TECTA: variants seen among roughly 807,000 people sequenced by gnomAD.
TECTA encodes the protein tectorin alpha.
Under a neutral mutation model 216.8 loss-of-function variants are expected in TECTA, and 128 were observed. The ratio of observed to expected loss-of-function variants is 0.59; its 90% CI spans 0.51 to 0.68. The LOEUF is 0.68. Ranked by LOEUF, TECTA falls within the 30% of genes least tolerant of loss-of-function variation. TECTA has a pLI of 0.00. For missense variants in TECTA, 2,551 were observed against 2,786.2 expected (o/e 0.92, Z 1.90); for synonymous variants, 1,089 against 1,117.1 (o/e 0.97, Z 0.50).
At chr11:121,146,287 A>T in intron 12 of TECTA, 171 bp downstream of exon 12, 1 of 758,300 alleles carries the variant, frequency 1.3e-6, no homozygotes, top group South Asian at 1.6e-5. Context: ...AACCTCTTGG[A>T]GCCTCCATGT....
intron 9 of TECTA, among the ~76,000 whole-genome samples, chr11:121,129,417 A>G (rs968452222): frequency 6.6e-6 from 1 of 152,252 alleles, no homozygotes; most frequent in African/African-American, 2.4e-5. Context: ...TGGGTCCAGA[A>G]CACACAAATA....
rs763394704 is a variant in TECTA at position 121,120,795 on chromosome 11, G to A, written c.1203+2077G>A. Among the ~76,000 whole-genome samples, 8 of 152,340 alleles carry A rather than the reference G, an allele frequency of 5.3e-5. No homozygotes were observed. The South Asian group carries it at 6.2e-4, about 12-fold the overall frequency. On this transcript the variant is annotated intron_variant, in intron 7 of 23. Transcript: ENST00000392793. ...ACCAGTTCTCATCTTTCTTCCCCGC[G>A]TGAACACGAGTAGTTTAGGGTGCTC...
At chr11:121,165,457 C>T in intron 17 of TECTA, 74 bp downstream of exon 17, 1 of 1,249,160 alleles carries the variant, frequency 8.0e-7, no homozygotes, top group Non-Finnish European at 1.1e-6. Context: ...GACCTTGATG[C>T]ATCCCACTTT....
chr11:121,173,872 GT>G (rs1223304848), intron 20 of TECTA, among the ~76,000 whole-genome samples: 3 of 152,200 alleles, frequency 2.0e-5, no homozygotes, highest in Non-Finnish European at 4.4e-5. Context: ...TCATCGAGCA[GT>G]GGTTTGTAGT....
At position 121,137,607 on chromosome 11, in the gene TECTA, A is replaced by C. The variant is rs1555125132; in HGVS notation, c.3128A>C (p.His1043Pro). ...RSECGCNFEG[H>P]QLATNETFWV... is the part of the protein sequence containing the mutation. Reference sequence around the variant, plus strand: ...GAGTGTGGCTGCAACTTTGAGGGGCACCAACTTGCCACCAATGAGACCTTC... The same window carrying C: ...GAGTGTGGCTGCAACTTTGAGGGGCCCCAACTTGCCACCAATGAGACCTTC... The change falls in exon 11 of 24, where the codon CAC (histidine) becomes CCC (proline). Residue 1043 changes from histidine to proline, a missense_variant. Physicochemically the swap from His to Pro is moderately conservative, Grantham distance 77. Around this residue, in one of 3 missense-constraint regions of TECTA, gnomAD observed 2,375 missense variants for 2,563.9 expected, o/e 0.93. Coordinates refer to ENST00000392793, the MANE Select transcript of TECTA (RefSeq NM_005422.4). 1.2e-6 allele frequency: 2 copies of C among 1,613,980 alleles called. No homozygotes were observed. The highest frequency in any genetic ancestry group is 1.7e-6 in the Non-Finnish European group (2 of 1,179,996).
intron 7 of TECTA, among the ~76,000 whole-genome samples, chr11:121,121,924 G>A (rs1428463672): frequency 6.6e-6 from 1 of 152,102 alleles, no homozygotes; most frequent in Non-Finnish European, 1.5e-5. Context: ...CTTACTAGCT[G>A]ACCTTCCCTA....
At chr11:121,179,158 G>A (rs1591469203) in intron 20 of TECTA, among the ~76,000 whole-genome samples, 1 of 151,858 alleles carries the variant, frequency 6.6e-6, no homozygotes, top group African/African-American at 2.4e-5. Context: ...TTTGATGTAG[G>A]TGTATATTGC....
chr11:121,190,995 C>T lies in TECTA; in HGVS notation c.*189C>T, dbSNP rs761901136. ...CAAGCTCCTCTTTCAGAGTATGAAA[C>T]GGGGCTTCTACAAGCCAGTTATGGA... On this transcript the variant is annotated 3_prime_UTR_variant, in exon 24 of 24. Transcript: ENST00000392793. The T allele has an allele frequency of 1.7e-4, 90 of 538,740 alleles. No individual in the cohort carries two copies. The highest frequency in any genetic ancestry group is 2.4e-4 in the Non-Finnish European group (73 of 298,400). The allele number at this position is 538,740 out of a possible 1,614,324, so 33.4% of individuals were successfully genotyped here. A position where few individuals can be genotyped will look rare whatever the true frequency, so the allele number is the denominator to read the frequency against.
intron 18 of TECTA, 31 bp downstream of exon 18, chr11:121,166,811 C>T: frequency 6.2e-7 from 1 of 1,610,928 alleles, no homozygotes; most frequent in Non-Finnish European, 8.5e-7. Flanking sequence ...GAGCACCTGG[C>T]AGAGGCAGCG....
At chr11:121,160,489 G>C in intron 15 of TECTA, 68 bp downstream of exon 15, 1 of 1,587,462 alleles carries the variant, frequency 6.3e-7, no homozygotes, top group Non-Finnish European at 8.5e-7. Context: ...TGGGTGGTGT[G>C]AATGAGGAAT....
intron 10 of TECTA, among the ~76,000 whole-genome samples, chr11:121,136,501 CA>C (rs1357362102): frequency 3.3e-5 from 5 of 152,130 alleles, no homozygotes; most frequent in Admixed American, 3.3e-4. Flanking sequence ...AGCCAATTTG[CA>C]GAGTAAAAAT....
chr11:121,155,977 T>A (rs1339249790), intron 13 of TECTA, among the ~76,000 whole-genome samples: 2 of 152,192 alleles, frequency 1.3e-5, no homozygotes, highest in Non-Finnish European at 2.9e-5. Flanking sequence ...CTGCCTCCAG[T>A]TGAGGATACG....
At chr11:121,162,512 G>A (rs1947011473) in intron 16 of TECTA, 142 bp downstream of exon 16, 2 of 1,169,830 alleles carry the variant, frequency 1.7e-6, no homozygotes, top group Non-Finnish European at 2.4e-6. Context: ...GTAGAGAGCT[G>A]TGAGCTGCAG....
rs145916279 is a variant in TECTA at position 121,102,653 on chromosome 11, T to C, written c.-1-12T>C. 7,888 of 1,610,968 alleles carry C rather than the reference T, an allele frequency of 4.9e-3. 33 individuals are homozygous for C. Among genetic ancestry groups the C allele is most frequent in the Middle Eastern group, 6.9e-3 (42 of 6,052 alleles). ...TGGGGATTTTTTTTTCATTTTCTTT[T>C]TAAAATTCCAGGATGAATTATTCAT... On this transcript the variant is annotated splice_polypyrimidine_tract_variant and intron_variant, in intron 1 of 23. Transcript: ENST00000392793.
At chr11:121,132,263 G>T (rs10892674) in intron 10 of TECTA, among the ~76,000 whole-genome samples, 1 of 151,916 alleles carries the variant, frequency 6.6e-6, no homozygotes, top group Non-Finnish European at 1.5e-5. Flanking sequence ...CTACTTAACC[G>T]ATTGTATCTG....
At chr11:121,150,463 A>T (rs957334671) in intron 12 of TECTA, among the ~76,000 whole-genome samples, 1 of 152,198 alleles carries the variant, frequency 6.6e-6, no homozygotes, top group African/African-American at 2.4e-5. Context: ...AGAACAAATT[A>T]TCCAAGGCTA....
intron 20 of TECTA, among the ~76,000 whole-genome samples, chr11:121,174,573 T>A (rs1277735468): frequency 6.6e-6 from 1 of 152,204 alleles, no homozygotes; most frequent in East Asian, 1.9e-4. Context: ...CTTTTTGATG[T>A]GCTGCTGGAT....
In TECTA at chr11:121,162,332, G is replaced by C; in HGVS notation, c.5234G>C (p.Gly1745Ala). ...AAYGEACRSFGILSTEWIEKE... is the reference protein window; with the variant it reads ...AAYGEACRSFAILSTEWIEKE... Reference sequence around the variant, plus strand: ...TACGGGGAGGCCTGCCGCTCCTTCGGGATCCTTAGCACCGAGTGGATTGAG... The same window carrying C: ...TACGGGGAGGCCTGCCGCTCCTTCGCGATCCTTAGCACCGAGTGGATTGAG... The change falls in exon 16 of 24, where the codon GGG (glycine) becomes GCG (alanine). Residue 1745 changes from glycine to alanine, a missense_variant. This residue lies in a region of TECTA where 2,375 missense variants were observed against 2,563.9 expected (regional missense o/e 0.93). Coordinates refer to ENST00000392793, the MANE Select transcript of TECTA (RefSeq NM_005422.4). 6.2e-7 allele frequency: 1 copy of C among 1,613,648 alleles called. No individual in the cohort carries two copies. Among genetic ancestry groups the C allele is most frequent in the African/African-American group, 1.3e-5 (1 of 75,070 alleles).
rs754800839 is a variant in TECTA at position 121,168,114 on chromosome 11, G to A, written c.5647G>A (p.Gly1883Ser). The change falls in exon 19 of 24, where the codon GGC becomes AGC. Residue 1883 changes from glycine to serine, a missense_variant. Physicochemically the swap from Gly to Ser is moderately conservative, Grantham distance 56. Coordinates refer to ENST00000392793, the MANE Select transcript of TECTA (RefSeq NM_005422.4). ...CTGGATCGAAAGCGCCAACAACACT[G>A]GCAACATCATCACCAGGGACCGCAC... ...TLWIESANNT[G>S]NIITRDRTIN... The A allele has an allele frequency of 1.9e-6, 3 of 1,614,128 alleles. No homozygotes were observed. Among genetic ancestry groups the A allele is most frequent in the Admixed American group, 3.3e-5 (2 of 60,018 alleles).
Sources: allele counts gnomAD v4.1 joint callset (sites outside exome capture counted in the v4.1 genomes callset), GRCh38; gene constraint gnomAD v4.1.1; regional missense constraint gnomAD v4.1.1; transcripts MANE v1.5; gene names NCBI Gene and HGNC (gene_info 2026-07-23, HGNC 2026-07-21).